Variants in ZNF577 observed in about 807,000 individuals in gnomAD.
ZNF577 encodes zinc finger protein 577.
A neutral mutation model predicts 13.9 loss-of-function variants in ZNF577; 14 were observed. The ratio of observed to expected loss-of-function variants is 1.00; its 90% CI spans 0.66 to 1.57. ZNF577 has a LOEUF of 1.57. Ranked by LOEUF, ZNF577 falls within the 40% of genes most tolerant of loss-of-function variation. The probability of loss-of-function intolerance (pLI) is 0.00; values close to 1 mark genes in which losing one functional copy is unlikely to be tolerated. For missense variants in ZNF577, 555 were observed against 579.2 expected (o/e 0.96, Z 0.43); for synonymous variants, 203 against 202.9 (o/e 1.00, Z 0.00).
intron 5 of ZNF577, among the ~76,000 whole-genome samples, chr19:51,851,958 G>C (rs561864699): frequency 1.3e-5 from 2 of 152,280 alleles, no homozygotes; most frequent in South Asian, 4.1e-4. Context: ...ACATCCCCAA[G>C]TCACGAATCC....
At chr19:51,860,972 G>A in intron 5 of ZNF577, 1 of 432,330 alleles carries the variant, frequency 2.3e-6, no homozygotes, top group South Asian at 1.7e-5. Context: ...TCTCCTGAAT[G>A]AATACCCTAA....
In ZNF577 at chr19:51,860,887, C is replaced by CA. The variant is rs1220342285; in HGVS notation, c.284-15957dup. The CA allele has an allele frequency of 1.0e-5, 4 of 394,424 alleles. No homozygotes were observed. The Admixed American group carries it at 1.5e-4, about 15-fold the overall frequency. The allele number at this position is 394,424 out of a possible 1,614,324, so 24.4% of individuals were successfully genotyped here. On this transcript the variant is annotated intron_variant and NMD_transcript_variant, in intron 5 of 10. Coordinates refer to the ZNF577 transcript ENST00000638827. ...AAGATATTCAAAGAGTTTTGACTTTCAGATTTTAATTTTTACCTGCAATGA... is the reference window on the plus strand; with the variant it reads ...AAGATATTCAAAGAGTTTTGACTTTCAAGATTTTAATTTTTACCTGCAATGA...
At chr19:51,885,436 T>G (rs889242876) in intron 1 of ZNF577, among the ~76,000 whole-genome samples, 2 of 152,176 alleles carry the variant, frequency 1.3e-5, no homozygotes, top group African/African-American at 2.4e-5. Context: ...AATTTCCCAT[T>G]ATGATTGGGC....
chr19:51,832,045 TA>T (rs1203924891), intron 9 of ZNF577, among the ~76,000 whole-genome samples: 1 of 152,232 alleles, frequency 6.6e-6, no homozygotes. Context: ...GTTCTTTTCA[TA>T]GCACTTGTTG....
intron 9 of ZNF577, among the ~76,000 whole-genome samples, chr19:51,830,826 A>T (rs555687221): frequency 2.0e-4 from 30 of 152,214 alleles, no homozygotes; most frequent in African/African-American, 6.0e-4. Flanking sequence ...CAGTCATCCT[A>T]GGTAATGTGT....
At chr19:51,846,340 G>T (rs1280243060) in intron 5 of ZNF577, among the ~76,000 whole-genome samples, 1 of 152,200 alleles carries the variant, frequency 6.6e-6, no homozygotes, top group Non-Finnish European at 1.5e-5. Flanking sequence ...ATTTGCAGAT[G>T]AGTCACTGGA....
chr19:51,847,053 C>T (rs2084356539), intron 5 of ZNF577, among the ~76,000 whole-genome samples: 2 of 152,138 alleles, frequency 1.3e-5, no homozygotes, highest in African/African-American at 2.4e-5. Context: ...AGTTGGGTAT[C>T]TTGCCCAAAG....
chr19:51,815,367 C>T (rs1056355597), intron 9 of ZNF577, among the ~76,000 whole-genome samples: 17 of 152,002 alleles, frequency 1.1e-4, no homozygotes, highest in Non-Finnish European at 2.1e-4. Context: ...CGAGACCAGC[C>T]TGGCCAACAT....
intron 9 of ZNF577, chr19:51,823,949 G>C (rs186794108): frequency 6.2e-7 from 1 of 1,614,084 alleles, no homozygotes; most frequent in Non-Finnish European, 8.5e-7. Flanking sequence ...ACCTGAACCT[G>C]GCCCTAGCTG....
Position 51,824,923 on chromosome 19 carries a change from AT to A in ZNF577, c.*600-13250del, listed in dbSNP as rs779881926. The A allele has an allele frequency of 1.2e-6, 1 of 837,954 alleles. No homozygotes were observed. Among genetic ancestry groups the A allele is most frequent in the Non-Finnish European group, 1.9e-6 (1 of 538,166 alleles). 51.9% of individuals were successfully genotyped at this position (837,954 alleles called of 1,614,324 possible). On this transcript the variant is annotated intron_variant and NMD_transcript_variant, in intron 9 of 10. Coordinates refer to the ZNF577 transcript ENST00000638827. The surrounding 1 kb of genome is among the most constrained non-coding windows in gnomAD (Gnocchi z 4.7). ...TACCACCACCACCACAATCATCAAC[AT>A]AAAGGAAGTCTGTACCAAATCTGTA...
chr19:51,805,856 A>T (rs1221958924), intron 10 of ZNF577, among the ~76,000 whole-genome samples: 1 of 152,218 alleles, frequency 6.6e-6, no homozygotes, highest in African/African-American at 2.4e-5. Context: ...GAAGTAGAAG[A>T]AGTTTCACAA....
intron 4 of ZNF577, chr19:51,877,588 A>C (rs1373022760): frequency 2.4e-6 from 1 of 408,484 alleles, no homozygotes; most frequent in Non-Finnish European, 4.4e-6. Flanking sequence ...TATCAAAAAA[A>C]CAAACAGACA....
chr19:51,827,815 T>C (rs1187591358), intron 9 of ZNF577, among the ~76,000 whole-genome samples: 1 of 152,234 alleles, frequency 6.6e-6, no homozygotes, highest in East Asian at 1.9e-4. Context: ...CAATTCTGTA[T>C]TGTGAACATA....
intron 5 of ZNF577, chr19:51,861,320 AG>A (rs1290434284): frequency 6.0e-6 from 1 of 167,848 alleles, no homozygotes; most frequent in Non-Finnish European, 1.3e-5. Context: ...TAGTAGAGAC[AG>A]GGTTTCATCA....
At chr19:51,832,707 C>T (rs561030127) in intron 9 of ZNF577, among the ~76,000 whole-genome samples, 1 of 152,194 alleles carries the variant, frequency 6.6e-6, no homozygotes, top group Admixed American at 6.5e-5. Flanking sequence ...CTTTAATTAT[C>T]TTTTGCAAAG....
intron 2 of ZNF577, 78 bp from the exon 3 acceptor site, chr19:51,880,479 A>G: frequency 7.7e-7 from 1 of 1,294,716 alleles, no homozygotes; most frequent in Non-Finnish European, 1.1e-6. Context: ...ATGTTCCGAC[A>G]TTAAGAACTT....
At chr19:51,878,268 C>A (rs959877480) in intron 4 of ZNF577, 121 bp downstream of exon 4, 14 of 1,112,566 alleles carry the variant, frequency 1.3e-5, no homozygotes, top group Non-Finnish European at 1.6e-5. Flanking sequence ...ATATATTTTA[C>A]CACCACAACA....
chr19:51,824,303 C>A lies in ZNF577; in HGVS notation c.*600-12629G>T, dbSNP rs2084214141. On this transcript the variant is annotated intron_variant and NMD_transcript_variant, in intron 9 of 10. Coordinates refer to the ZNF577 transcript ENST00000638827. This position sits in a 1 kb window ranked among gnomAD's most constrained non-coding sequence, Gnocchi z 4.7. ...TTTTCAACTTTGCATTCTGGGGTGA[C>A]ACTGCTGTAGAGAGGTTGAACGTGT... The A allele has an allele frequency of 6.2e-7, 1 of 1,614,142 alleles. No homozygotes were observed.
rs1431273309 is a variant in ZNF577 at position 51,853,543 on chromosome 19, A to T, written c.284-8612T>A. On this transcript the variant is annotated intron_variant and NMD_transcript_variant, in intron 5 of 10. Coordinates refer to the ZNF577 transcript ENST00000638827. ...ACAGATGCATTAGAGGATTTTGGTC[A>T]ATTGGACCAATCTAGAGGATAACGG... 4.6e-5 allele frequency among the ~76,000 whole-genome samples: 7 copies of T among 152,302 alleles called. No individual in the cohort carries two copies. The East Asian group carries it at 5.8e-4, about 13-fold the overall frequency.
Sources: allele counts gnomAD v4.1 joint callset (sites outside exome capture counted in the v4.1 genomes callset), GRCh38; gene constraint gnomAD v4.1.1; non-coding constraint Gnocchi (gnomAD v3.1); transcripts MANE v1.5; gene names NCBI Gene and HGNC (gene_info 2026-07-23, HGNC 2026-07-21).